Variants in PHF14 observed in about 807,000 individuals in gnomAD.
The protein encoded by PHF14 is PHD finger protein 14.
In PHF14, 55 loss-of-function variants were observed where a neutral mutation model predicts 117.9. The ratio of observed to expected loss-of-function variants is 0.47; its 90% CI spans 0.38 to 0.58. The LOEUF (loss-of-function observed/expected upper bound fraction) is 0.58, where lower values mean the gene tolerates loss of function less well. PHF14 is among the 20% of genes least tolerant of loss of function. The pLI, the probability that PHF14 is intolerant of heterozygous loss-of-function variation, is 0.00. For synonymous variants in PHF14, 409 were observed against 368.6 expected, an observed-to-expected ratio of 1.11 and a Z score of -1.26; for missense variants, 978 against 1,122.2, an observed-to-expected ratio of 0.87 and a Z score of 1.84.
rs143252463 is a variant in PHF14, at chr7:11,113,942, T to A, written c.2772+2475T>A. Among the ~76,000 whole-genome samples, 60 of 152,280 alleles carry A rather than the reference T, an allele frequency of 3.9e-4. 1 individual carries two copies. The East Asian group carries it at 0.011, about 27-fold the overall frequency. On this transcript the variant is annotated intron_variant, in intron 17 of 17. Transcript: ENST00000634607. ...CTTAGGGCTTAAAAGAAACCCAGAA[T>A]GAAAGTTCATATGCTTTGCTTTATC...
chr7:11,147,488 A>G (rs1158764485), intron 17 of PHF14, among the ~76,000 whole-genome samples: 1 of 152,120 alleles, frequency 6.6e-6, no homozygotes, highest in Non-Finnish European at 1.5e-5. Flanking sequence ...ACTCCACTAC[A>G]ATGACTCTTG....
intron 16 of PHF14, among the ~76,000 whole-genome samples, chr7:11,093,915 C>T (rs1164882653): frequency 6.6e-6 from 1 of 152,048 alleles, no homozygotes; most frequent in African/African-American, 2.4e-5. Flanking sequence ...CCTGTCACTC[C>T]TGTAGGAGTA....
chr7:11,144,372 C>G (rs1788486383), intron 17 of PHF14, among the ~76,000 whole-genome samples: 1 of 151,720 alleles, frequency 6.6e-6, no homozygotes, highest in East Asian at 1.9e-4. Context: ...GGGTATTTAT[C>G]TAAAGGAAAA....
intron 4 of PHF14, among the ~76,000 whole-genome samples, chr7:11,005,720 T>C (rs1783058059): frequency 2.0e-5 from 3 of 151,926 alleles, no homozygotes; most frequent in Admixed American, 6.6e-5. Flanking sequence ...TATATAGTGC[T>C]GACAAACATG....
chr7:11,000,831 G>A (rs1782843516), intron 4 of PHF14, among the ~76,000 whole-genome samples: 1 of 151,998 alleles, frequency 6.6e-6, no homozygotes, highest in African/African-American at 2.4e-5. Flanking sequence ...TTCTCTTGAA[G>A]GTATCTCTCA....
intron 4 of PHF14, among the ~76,000 whole-genome samples, chr7:10,991,627 A>T (rs1011869713): frequency 2.7e-5 from 4 of 150,894 alleles, no homozygotes; most frequent in Non-Finnish European, 5.9e-5. Context: ...CATCTTAATT[A>T]AAAAAAAAAT....
chr7:10,996,099 A>G (rs79533387), intron 4 of PHF14, among the ~76,000 whole-genome samples: 2,376 of 152,310 alleles, frequency 0.016, 48 homozygotes, highest in African/African-American at 0.055. Flanking sequence ...ATTATGATGG[A>G]TGTGGGAAGC....
At chr7:11,156,504 T>G (rs756323892) in intron 17 of PHF14, among the ~76,000 whole-genome samples, 12 of 152,118 alleles carry the variant, frequency 7.9e-5, no homozygotes, top group Non-Finnish European at 8.8e-5. Flanking sequence ...TTTTAGAAAT[T>G]CACTTTCTGG....
At chr7:11,065,333 T>C (rs138859077) in intron 16 of PHF14, among the ~76,000 whole-genome samples, 56 of 152,236 alleles carry the variant, frequency 3.7e-4, no homozygotes, top group Non-Finnish European at 7.2e-4. Flanking sequence ...CTGTGATAGG[T>C]CATTCTTTGT....
chr7:11,097,789 A>G (rs1166423513), intron 16 of PHF14, among the ~76,000 whole-genome samples: 2 of 152,170 alleles, frequency 1.3e-5, no homozygotes, highest in African/African-American at 4.8e-5. Context: ...AAGAATCAAT[A>G]AAGTGCACAC....
At chr7:11,014,397 T>A (rs1016824301) in intron 5 of PHF14, among the ~76,000 whole-genome samples, 1 of 152,174 alleles carries the variant, frequency 6.6e-6, no homozygotes, top group Non-Finnish European at 1.5e-5. Context: ...GCTCTGGGCC[T>A]GAGGGAGATT....
At chr7:10,980,046 C>T (rs567789548) in intron 2 of PHF14, among the ~76,000 whole-genome samples, 8 of 152,190 alleles carry the variant, frequency 5.3e-5, no homozygotes, top group African/African-American at 1.9e-4. Context: ...CAATTTACCT[C>T]TCATTTGAAA....
At chr7:11,081,039 T>C (rs1468272552) in intron 16 of PHF14, among the ~76,000 whole-genome samples, 1 of 152,122 alleles carries the variant, frequency 6.6e-6, no homozygotes, top group Non-Finnish European at 1.5e-5. Flanking sequence ...ACAAAAGCTA[T>C]TGAAATTAAA....
intron 7 of PHF14, among the ~76,000 whole-genome samples, chr7:11,032,473 C>A (rs1209534933): frequency 1.3e-5 from 2 of 149,518 alleles, no homozygotes; most frequent in Non-Finnish European, 3.0e-5. Flanking sequence ...TCTGCTATGT[C>A]AGTTTTACCC....
chr7:11,108,961 T>C (rs1313189753), intron 16 of PHF14: 1 of 151,772 alleles, frequency 6.6e-6, no homozygotes, highest in African/African-American at 2.4e-5. Context: ...TGATGTGAAC[T>C]AGGAAAATGT....
At chr7:11,074,024 C>G (rs1785724841) in intron 16 of PHF14, among the ~76,000 whole-genome samples, 1 of 152,098 alleles carries the variant, frequency 6.6e-6, no homozygotes, top group South Asian at 2.1e-4. Flanking sequence ...GTTATTTTCT[C>G]TTAGACCTCT....
intron 17 of PHF14, among the ~76,000 whole-genome samples, chr7:11,125,119 G>A (rs577413719): frequency 9.9e-5 from 15 of 152,186 alleles, no homozygotes; most frequent in Admixed American, 9.8e-4. Flanking sequence ...TGTAGACACA[G>A]CAGAAACTAA....
intron 16 of PHF14, chr7:11,106,868 T>C: frequency 1.0e-6 from 1 of 983,716 alleles, no homozygotes; most frequent in Non-Finnish European, 1.2e-6. Context: ...CAGAGTCCAG[T>C]TTTTGTTTTG....
At chr7:11,019,867 T>G (rs1783673498) in intron 5 of PHF14, among the ~76,000 whole-genome samples, 1 of 152,168 alleles carries the variant, frequency 6.6e-6, no homozygotes, top group African/African-American at 2.4e-5. Flanking sequence ...TACCTATAGC[T>G]ATAAACCTCC....
Sources: gnomAD v4.1 joint callset for allele counts (sites outside exome capture counted in the v4.1 genomes callset) on GRCh38, gnomAD v4.1.1 for gene constraint, MANE v1.5 for transcripts, NCBI Gene and HGNC (gene_info 2026-07-23, HGNC 2026-07-21) for gene names.